Variants in PPP4R3B observed in about 807,000 individuals in gnomAD.
PPP4R3B encodes the protein protein phosphatase 4 regulatory subunit 3B, also known as serine/threonine-protein phosphatase 4 regulatory subunit 3B.
Under a neutral mutation model 95.4 loss-of-function variants are expected in PPP4R3B, and 52 were observed. That is an observed-to-expected ratio of 0.54 (90% CI 0.44 to 0.69). The LOEUF (loss-of-function observed/expected upper bound fraction) is 0.69. Ranked by LOEUF, PPP4R3B falls within the 30% of genes least tolerant of loss-of-function variation. PPP4R3B has a pLI of 0.00. For missense variants in PPP4R3B, 1,003 were observed against 1,005.9 expected, an observed-to-expected ratio of 1.00 and a Z score of 0.04; for synonymous variants, 407 against 343.9, an observed-to-expected ratio of 1.18 and a Z score of -2.03.
At chr2:55,603,490 CA>C (rs1400470533) in intron 3 of PPP4R3B, among the ~76,000 whole-genome samples, 3 of 152,128 alleles carry the variant, frequency 2.0e-5, no homozygotes. Flanking sequence ...TGTCCTAAAA[CA>C]AAAGGTTTCT....
At chr2:55,599,355 T>A (rs35861320) in intron 3 of PPP4R3B, among the ~76,000 whole-genome samples, 16,754 of 152,070 alleles carry the variant, frequency 0.11, 1,120 homozygotes, top group East Asian at 0.24. Context: ...GGAGAATCGC[T>A]TGAACCTGGA....
chr2:55,571,763 T>C (rs1413499656), intron 12 of PPP4R3B, among the ~76,000 whole-genome samples: 5 of 152,162 alleles, frequency 3.3e-5, no homozygotes, highest in Non-Finnish European at 7.3e-5. Context: ...GTAGCTGGGA[T>C]TACAGACATA....
chr2:55,605,298 T>C (rs1377028514), intron 2 of PPP4R3B, among the ~76,000 whole-genome samples: 1 of 152,188 alleles, frequency 6.6e-6, no homozygotes, highest in Non-Finnish European at 1.5e-5. Context: ...CAAAACACCT[T>C]ATATGTAATA....
intron 4 of PPP4R3B, among the ~76,000 whole-genome samples, chr2:55,594,634 T>C (rs1348500770): frequency 6.6e-6 from 1 of 152,202 alleles, no homozygotes; most frequent in African/African-American, 2.4e-5. Context: ...AAAACAGTCA[T>C]TTGAAAGCTA....
intron 2 of PPP4R3B, among the ~76,000 whole-genome samples, chr2:55,610,903 T>A (rs1694077036): frequency 6.7e-6 from 1 of 148,518 alleles, no homozygotes; most frequent in Admixed American, 6.8e-5. Flanking sequence ...TCTTCCTCTA[T>A]CGCCCAGGCT....
At chr2:55,572,086 G>A (rs1688079449) in intron 12 of PPP4R3B, among the ~76,000 whole-genome samples, 1 of 152,158 alleles carries the variant, frequency 6.6e-6, no homozygotes, top group Non-Finnish European at 1.5e-5. Context: ...ATGTATCTAG[G>A]AAACACTCAT....
intron 1 of PPP4R3B, 118 bp downstream of exon 1, chr2:55,617,026 T>G (rs887603982): frequency 1.6e-6 from 2 of 1,252,402 alleles, no homozygotes; most frequent in Non-Finnish European, 2.2e-6. Flanking sequence ...CAAGAGCCAG[T>G]TCAGAACCAA....
chr2:55,594,715 T>C (rs566216210), intron 4 of PPP4R3B, among the ~76,000 whole-genome samples: 1 of 152,326 alleles, frequency 6.6e-6, no homozygotes, highest in South Asian at 2.1e-4. Context: ...CTCCTAAGAT[T>C]ATTAAATGTT....
chr2:55,551,960 A>G (rs1685301179), intron 16 of PPP4R3B, among the ~76,000 whole-genome samples: 1 of 152,214 alleles, frequency 6.6e-6, no homozygotes, highest in Non-Finnish European at 1.5e-5. Context: ...CTGATAATCA[A>G]AAAGATGACA....
intron 3 of PPP4R3B, among the ~76,000 whole-genome samples, chr2:55,603,090 C>T (rs1437769533): frequency 6.6e-6 from 1 of 152,034 alleles, no homozygotes; most frequent in Non-Finnish European, 1.5e-5. Context: ...GTGGCTGGGA[C>T]TACAGGCATG....
chr2:55,571,223 T>A (rs1218774897), intron 12 of PPP4R3B, among the ~76,000 whole-genome samples: 3 of 151,754 alleles, frequency 2.0e-5, no homozygotes, highest in Admixed American at 2.0e-4. Context: ...GGCAGGAGAA[T>A]CACTTGAAAC....
rs553613175 is a variant in PPP4R3B, at chr2:55,574,633, G to A, written c.1607-856C>T. On this transcript the variant is annotated intron_variant, in intron 11 of 16. Transcript: ENST00000616407. ...TTTTGATACAGAGTCTTGCTCTGTC[G>A]CCCAGGCTGGAGTGCAGTGGCGCGA... Among the ~76,000 whole-genome samples the A allele has an allele frequency of 8.7e-5, 13 of 149,194 alleles. No homozygotes were observed. In the South Asian group the frequency reaches 1.1e-3, roughly 12 times the overall value.
At chr2:55,574,598 T>C (rs1050077481) in intron 11 of PPP4R3B, among the ~76,000 whole-genome samples, 2 of 143,024 alleles carry the variant, frequency 1.4e-5, no homozygotes, top group African/African-American at 5.1e-5. Flanking sequence ...ATCAAGATTC[T>C]TTTTTTTTTT....
Position 55,617,046 on chromosome 2 carries a change from C to T in PPP4R3B, c.142+98G>A, listed in dbSNP as rs541571370. 2.8e-6 allele frequency: 4 copies of T among 1,413,438 alleles called. No individual in the cohort carries two copies. The South Asian group carries it at 4.3e-5, about 15-fold the overall frequency. The allele number at this position is 1,413,438 out of a possible 1,614,324, so 87.6% of individuals were successfully genotyped here. On this transcript the variant is annotated intron_variant, in intron 1 of 16. Transcript: ENST00000616407. The stretch of plus-strand genomic sequence containing the variant: ...GCCAGTTCAGAACCAACGCGCTGTC[C>T]CGAAGGAGTAGCAACGGTAACGGGC...
At chr2:55,591,797 C>G (rs1691065477) in intron 4 of PPP4R3B, 1 of 326,388 alleles carries the variant, frequency 3.1e-6, no homozygotes, top group Non-Finnish European at 4.4e-6. Context: ...ATTACTCTGG[C>G]TATTATTCAT....
At chr2:55,589,954 T>C (rs1574831806) in intron 4 of PPP4R3B, among the ~76,000 whole-genome samples, 2 of 134,002 alleles carry the variant, frequency 1.5e-5, no homozygotes, top group African/African-American at 2.6e-5. Context: ...AAAATATATA[T>C]AATTATATAT....
At chr2:55,588,603 TA>T (rs1178530066) in intron 5 of PPP4R3B, among the ~76,000 whole-genome samples, 1 of 152,110 alleles carries the variant, frequency 6.6e-6, no homozygotes, top group Non-Finnish European at 1.5e-5. Flanking sequence ...AGTTCTGTTC[TA>T]ACATAAGGCA....
intron 15 of PPP4R3B, among the ~76,000 whole-genome samples, chr2:55,559,314 C>A (rs941753931): frequency 3.3e-5 from 5 of 152,046 alleles, no homozygotes; most frequent in African/African-American, 1.2e-4. Context: ...CCACTGCACT[C>A]CAGCCTGGGC....
At chr2:55,555,278 TAAAAAA>T (rs372423262) in intron 16 of PPP4R3B, among the ~76,000 whole-genome samples, 3 of 108,902 alleles carry the variant, frequency 2.8e-5, no homozygotes, top group Non-Finnish European at 1.8e-5. Context: ...AGACTCCGTC[TAAAAAA>T]AAAAAAAAAA....
Sources: gnomAD v4.1 joint callset for allele counts (sites outside exome capture counted in the v4.1 genomes callset) on GRCh38, gnomAD v4.1.1 for gene constraint, MANE v1.5 for transcripts, NCBI Gene and HGNC (gene_info 2026-07-23, HGNC 2026-07-21) for gene names.